ATP7B: variants seen among roughly 807,000 people sequenced by gnomAD.
ATP7B encodes ATPase copper transporting beta.
In ATP7B, 113 loss-of-function variants were observed where a neutral mutation model predicts 118.9. The ratio of observed to expected loss-of-function variants is 0.95; its 90% CI spans 0.82 to 1.11. ATP7B has a LOEUF of 1.11. Among genes scored for constraint, ATP7B ranks in the 50% most tolerant of loss-of-function variants. The probability of loss-of-function intolerance (pLI) is 0.00; values close to 1 mark genes in which losing one functional copy is unlikely to be tolerated. For synonymous variants in ATP7B, 777 were observed against 727.4 expected, an observed-to-expected ratio of 1.07 and a Z score of -1.10; for missense variants, 1,867 against 1,871.4, an observed-to-expected ratio of 1.00 and a Z score of 0.04.
intron 1 of ATP7B, among the ~76,000 whole-genome samples, chr13:51,982,979 T>A (rs547292760): frequency 1.1e-4 from 17 of 152,122 alleles, no homozygotes; most frequent in Admixed American, 6.5e-5. Flanking sequence ...AGCACAAAAC[T>A]GGACAGCCGT....
Position 51,934,779 on chromosome 13 carries a change from T to C in ATP7B, c.4375A>G (p.Arg1459Gly), listed in dbSNP as rs2138385892. Reference protein sequence around the residue: ...GDKWSLLLNGRDEEQYI With the variant: ...GDKWSLLLNGGDEEQYI ...CATCAGATGTACTGCTCCTCATCCC[T>C]GCCATTCAGGAGCAGAGACCACTTG... The change falls in exon 21 of 21, where the codon AGG becomes GGG. Residue 1459 changes from arginine (R) to glycine (G), a missense_variant. Arg to Gly is a moderately radical substitution (Grantham distance 125). Transcript: ENST00000242839. 1 of 1,613,994 alleles carries C rather than the reference T, an allele frequency of 6.2e-7. No homozygotes were observed. The highest frequency in any genetic ancestry group is 8.5e-7 in the Non-Finnish European group (1 of 1,180,036).
rs560410239 is a variant in ATP7B at position 51,946,243 on chromosome 13, T to C, written c.3060+41A>G. The C allele has an allele frequency of 3.2e-5, 50 of 1,548,344 alleles. No individual in the cohort carries two copies. The South Asian group carries it at 5.7e-4, about 18-fold the overall frequency. ...ATGTGAAATAGTAAACAGATACTAC[T>C]TTCATCTCTCAGGATGGGGAAAGCC... On this transcript the variant is annotated intron_variant, in intron 13 of 20. Coordinates refer to ENST00000242839, the MANE Select transcript of ATP7B (RefSeq NM_000053.4).
intron 14 of ATP7B, among the ~76,000 whole-genome samples, chr13:51,942,821 T>C (rs1159800692): frequency 6.6e-6 from 1 of 152,170 alleles, no homozygotes; most frequent in Admixed American, 6.5e-5. Flanking sequence ...AATCCTTCCC[T>C]GGGTGGGTGC....
rs2138570625 is a variant in ATP7B at position 51,937,484 on chromosome 13, GGAC to G, written c.3892_3894del (p.Val1298del). ...GCTGCAGCCACGCTCACTCTGATAA[GGAC>G]GACGTCGGCTGCCTCGATGGCCACA... On this transcript the variant is annotated inframe_deletion, in exon 18 of 21. Coordinates refer to ENST00000242839, the MANE Select transcript of ATP7B (RefSeq NM_000053.4). The G allele has an allele frequency of 6.2e-7, 1 of 1,614,052 alleles. No individual in the cohort carries two copies. The highest frequency in any genetic ancestry group is 8.5e-7 in the Non-Finnish European group (1 of 1,180,020).
chr13:51,945,047 T>A (rs1392598689), intron 13 of ATP7B, among the ~76,000 whole-genome samples: 1 of 151,476 alleles, frequency 6.6e-6, no homozygotes, highest in Non-Finnish European at 1.5e-5. Context: ...AAACAATAAT[T>A]CAGCTTTTTG....
At chr13:51,957,492 A>C (rs1377513142) in intron 9 of ATP7B, 24 bp downstream of exon 9, 1 of 1,601,548 alleles carries the variant, frequency 6.2e-7, no homozygotes, top group Admixed American at 1.7e-5. Flanking sequence ...CCAACCACAA[A>C]GACATTTGAT....
At chr13:51,999,660 A>G (rs1483823887) in intron 1 of ATP7B, among the ~76,000 whole-genome samples, 1 of 152,058 alleles carries the variant, frequency 6.6e-6, no homozygotes, top group Non-Finnish European at 1.5e-5. Flanking sequence ...CAAAACTCCA[A>G]CACGGCTTTA....
In ATP7B at chr13:51,965,011, G is replaced by A; in HGVS notation, c.1730C>T (p.Ser577Phe). ...TTTGGACTCTATGTTGTGGACACAG[G>A]ACGCGCAGGTCATCCCTGTGATCTG... ...ELTITGMTCA[S>F]CVHNIESKLT... The change falls in exon 5 of 21, where the codon TCC becomes TTC. Residue 577 changes from serine to phenylalanine, a missense_variant. Physicochemically the swap from Ser to Phe is radical, Grantham distance 155. Transcript: ENST00000242839. 6.2e-7 allele frequency: 1 copy of A among 1,614,132 alleles called. No individual in the cohort carries two copies.
chr13:51,937,291 T>TC lies in ATP7B; in HGVS notation c.4005dup (p.Ile1336AspfsTer42). 1 of 1,614,112 alleles carries TC rather than the reference T, an allele frequency of 6.2e-7. No individual in the cohort carries two copies. Among genetic ancestry groups the TC allele is most frequent in the Non-Finnish European group, 8.5e-7 (1 of 1,179,958 alleles). On this transcript the variant is annotated frameshift_variant, in exon 19 of 21. Transcript: ENST00000242839. LOFTEE classifies it high-confidence loss of function. ...AGCTGCCTACCTGCTGCAATGGGTA[T>TC]CCCAACCAGGTTATAAATCAGTGCC...
intron 1 of ATP7B, among the ~76,000 whole-genome samples, chr13:51,980,176 G>A (rs1017853785): frequency 6.6e-6 from 1 of 152,180 alleles, no homozygotes; most frequent in East Asian, 1.9e-4. Context: ...ATGGAGAGCA[G>A]GCCAAGGTTC....
chr13:51,968,393 A>G (rs1296748802), intron 4 of ATP7B, 51 bp downstream of exon 4: 1 of 1,613,700 alleles, frequency 6.2e-7, no homozygotes, highest in South Asian at 1.1e-5. Context: ...ATGTGTCCAA[A>G]ATGCAAACTG....
chr13:51,983,847 C>G (rs1164172931), intron 1 of ATP7B, among the ~76,000 whole-genome samples: 1 of 152,248 alleles, frequency 6.6e-6, no homozygotes, highest in African/African-American at 2.4e-5. Flanking sequence ...AACTAACAAA[C>G]AGAAAGGTAT....
chr13:52,004,074 A>G (rs1953659772), intron 1 of ATP7B, among the ~76,000 whole-genome samples: 1 of 152,146 alleles, frequency 6.6e-6, no homozygotes, highest in South Asian at 2.1e-4. Flanking sequence ...CCTGGCCAAC[A>G]TGGTGAAACC....
chr13:52,010,083 A>G (rs1255624099), intron 1 of ATP7B, among the ~76,000 whole-genome samples: 1 of 152,146 alleles, frequency 6.6e-6, no homozygotes, highest in Non-Finnish European at 1.5e-5. Flanking sequence ...TTGGAAGGAT[A>G]ATGATTTCTT....
chr13:51,968,344 C>T, intron 4 of ATP7B, 100 bp downstream of exon 4: 1 of 1,545,270 alleles, frequency 6.5e-7, no homozygotes, highest in Non-Finnish European at 8.9e-7. Flanking sequence ...ACAAACCAGA[C>T]ACGTCCAAGA....
At chr13:52,007,679 C>T (rs778515088) in intron 1 of ATP7B, among the ~76,000 whole-genome samples, 13 of 152,156 alleles carry the variant, frequency 8.5e-5, no homozygotes, top group Non-Finnish European at 1.9e-4. Flanking sequence ...CTCAGGCCCA[C>T]AAGACCACAA....
intron 1 of ATP7B, among the ~76,000 whole-genome samples, chr13:51,976,329 G>A (rs1422523257): frequency 7.9e-5 from 12 of 152,154 alleles, no homozygotes; most frequent in Non-Finnish European, 1.2e-4. Flanking sequence ...ACCGGCTTTT[G>A]AGCAGCTTAA....
At chr13:51,998,466 A>G (rs990060336) in intron 1 of ATP7B, among the ~76,000 whole-genome samples, 16 of 152,208 alleles carry the variant, frequency 1.1e-4, no homozygotes, top group African/African-American at 3.9e-4. Flanking sequence ...AAATGAGTTC[A>G]ATTATATACT....
intron 1 of ATP7B, among the ~76,000 whole-genome samples, chr13:51,984,665 GA>G (rs1474956491): frequency 3.9e-5 from 6 of 152,186 alleles, no homozygotes; most frequent in African/African-American, 1.4e-4. Flanking sequence ...CAGCCAGAGA[GA>G]AAGGTCAGGT....
Sources: gnomAD v4.1 joint callset for allele counts (sites outside exome capture counted in the v4.1 genomes callset) on GRCh38, gnomAD v4.1.1 for gene constraint, MANE v1.5 for transcripts, NCBI Gene and HGNC (gene_info 2026-07-23, HGNC 2026-07-21) for gene names.